The following CD96 variants were observed in gnomAD, a reference collection of about 807,000 sequenced individuals.
CD96 encodes CD96 molecule.
Under a neutral mutation model 71.3 loss-of-function variants are expected in CD96, and 70 were observed. That is an observed-to-expected ratio of 0.98 (90% CI 0.81 to 1.20). The LOEUF is 1.20. Ranked by LOEUF, CD96 falls within the 50% of genes most tolerant of loss-of-function variation. The pLI, the probability that CD96 is intolerant of heterozygous loss-of-function variation, is 0.00. For missense variants in CD96, 742 were observed against 677.5 expected (o/e 1.10, Z -1.06); for synonymous variants, 248 against 233.0 (o/e 1.06, Z -0.59).
intron 2 of CD96, among the ~76,000 whole-genome samples, chr3:111,561,736 C>G (rs1260380591): frequency 6.9e-6 from 1 of 145,568 alleles, no homozygotes; most frequent in Non-Finnish European, 1.5e-5. Context: ...GTGGGCTCCA[C>G]CCAGTTCGAG....
chr3:111,609,858 A>G (rs1015545418), intron 8 of CD96, among the ~76,000 whole-genome samples: 1 of 152,066 alleles, frequency 6.6e-6, no homozygotes, highest in Non-Finnish European at 1.5e-5. Context: ...TAATTTTGCC[A>G]CTCCAGAGGA....
intron 14 of CD96, among the ~76,000 whole-genome samples, chr3:111,658,576 T>C (rs1940286088): frequency 6.6e-6 from 1 of 152,208 alleles, no homozygotes. Flanking sequence ...AAAATCTTAT[T>C]GGTTACACAG....
chr3:111,616,944 C>T (rs1938271203), intron 8 of CD96, among the ~76,000 whole-genome samples: 1 of 152,200 alleles, frequency 6.6e-6, no homozygotes, highest in African/African-American at 2.4e-5. Flanking sequence ...GAAGGGCCTG[C>T]TTCCACCCCC....
chr3:111,565,109 T>G (rs1038317718), intron 2 of CD96, among the ~76,000 whole-genome samples: 1 of 152,168 alleles, frequency 6.6e-6, no homozygotes, highest in African/African-American at 2.4e-5. Context: ...GCTACTATTC[T>G]TGGATTAATC....
At chr3:111,566,300 G>A (rs898135367) in intron 2 of CD96, among the ~76,000 whole-genome samples, 2 of 151,866 alleles carry the variant, frequency 1.3e-5, no homozygotes, top group African/African-American at 4.8e-5. Context: ...ATTAGCATGA[G>A]GATGATCCTT....
chr3:111,589,482 C>G (rs903770969), intron 5 of CD96, among the ~76,000 whole-genome samples: 1 of 152,244 alleles, frequency 6.6e-6, no homozygotes, highest in African/African-American at 2.4e-5. Flanking sequence ...AGTAATCTTT[C>G]TCCAATCACA....
At chr3:111,611,592 A>G (rs1937940160) in intron 8 of CD96, among the ~76,000 whole-genome samples, 1 of 152,094 alleles carries the variant, frequency 6.6e-6, no homozygotes, top group Non-Finnish European at 1.5e-5. Context: ...ATTGCTGTCC[A>G]ATAGTTTCTG....
chr3:111,617,804 A>T (rs1938318275), intron 8 of CD96, among the ~76,000 whole-genome samples: 1 of 151,850 alleles, frequency 6.6e-6, no homozygotes, highest in African/African-American at 2.4e-5. Context: ...GCTGAAACAC[A>T]CCTCCCACCT....
rs974234157 is a variant in CD96 at position 111,638,121 on chromosome 3, C to T, written c.1430C>T (p.Pro477Leu). ...TSTARAFSEVPTTANGSTKTN... is the reference protein window; with the variant it reads ...TSTARAFSEVLTTANGSTKTN... ...ACAGCCAGAGCATTTTCAGAAGTCC[C>T]CACAACTGCCAATGGATCTACGAAA... The change falls in exon 12 of 14, where the codon CCC (proline) becomes CTC (leucine). Residue 477 changes from proline (P) to leucine (L), a missense_variant. By Grantham distance (98) the Pro-to-Leu change is moderately conservative (BLOSUM62 -3). Coordinates refer to ENST00000352690, the MANE Select transcript of CD96 (RefSeq NM_005816.5). The T allele has an allele frequency of 2.5e-6, 4 of 1,611,628 alleles. No homozygotes were observed. The highest frequency in any genetic ancestry group is 2.7e-5 in the African/African-American group (2 of 74,834).
intron 10 of CD96, among the ~76,000 whole-genome samples, chr3:111,625,729 C>A (rs1938718456): frequency 6.6e-6 from 1 of 152,088 alleles, no homozygotes; most frequent in South Asian, 2.1e-4. Flanking sequence ...AACAAAGAGA[C>A]ATAACCATAA....
chr3:111,622,376 T>C (rs1045977128), intron 8 of CD96, among the ~76,000 whole-genome samples: 2 of 152,224 alleles, frequency 1.3e-5, no homozygotes, highest in East Asian at 3.8e-4. Context: ...CTTTTTAGCA[T>C]TTACTACATG....
intron 12 of CD96, among the ~76,000 whole-genome samples, chr3:111,640,451 T>C (rs1387569644): frequency 1.3e-5 from 2 of 152,014 alleles, no homozygotes; most frequent in East Asian, 3.9e-4. Context: ...GAAAAAAGAA[T>C]AAGAAAATAT....
intron 1 of CD96, among the ~76,000 whole-genome samples, chr3:111,543,386 G>C: frequency 6.6e-6 from 1 of 152,150 alleles, no homozygotes; most frequent in East Asian, 1.9e-4. Context: ...TGATGGGAAA[G>C]AGACTCTACT....
At chr3:111,552,620 G>C (rs1375239497) in intron 2 of CD96, among the ~76,000 whole-genome samples, 2 of 151,922 alleles carry the variant, frequency 1.3e-5, no homozygotes, top group Non-Finnish European at 2.9e-5. Flanking sequence ...GCATCACAGA[G>C]AATATGTAAA....
intron 2 of CD96, 139 bp from the exon 3 acceptor site, chr3:111,567,384 G>A (rs1935767666): frequency 2.9e-6 from 2 of 679,064 alleles, no homozygotes; most frequent in Admixed American, 2.2e-5. Context: ...GCTATCGTGG[G>A]AGTTTGCCTC....
chr3:111,544,919 TC>T, intron 1 of CD96, 126 bp from the exon 2 acceptor site: 1 of 788,298 alleles, frequency 1.3e-6, no homozygotes, highest in Non-Finnish European at 2.3e-6. Context: ...TCTACTCTAT[TC>T]CTAAAGCAGC....
downstream of CD96, among the ~76,000 whole-genome samples, chr3:111,653,226 A>G (rs965125476): frequency 6.6e-6 from 1 of 152,204 alleles, no homozygotes; most frequent in African/African-American, 2.4e-5. Flanking sequence ...AGAAAGGCTC[A>G]TGGAGCAGTA....
chr3:111,641,501 A>C (rs1446472283), intron 12 of CD96, among the ~76,000 whole-genome samples: 1 of 152,188 alleles, frequency 6.6e-6, no homozygotes, highest in Non-Finnish European at 1.5e-5. Context: ...TTATAAAACA[A>C]TTACTAATAG....
chr3:111,645,860 C>T (rs1291084714), intron 12 of CD96, among the ~76,000 whole-genome samples: 1 of 152,150 alleles, frequency 6.6e-6, no homozygotes, highest in Non-Finnish European at 1.5e-5. Context: ...TGAAAGGGAA[C>T]TGTCTTCAAC....
Sources: gnomAD v4.1 joint callset for allele counts (sites outside exome capture counted in the v4.1 genomes callset) on GRCh38, gnomAD v4.1.1 for gene constraint, MANE v1.5 for transcripts, NCBI Gene and HGNC (gene_info 2026-07-23, HGNC 2026-07-21) for gene names.